MYO16: variants seen among roughly 807,000 people sequenced by gnomAD.
MYO16 encodes unconventional myosin-XVI.
Under a neutral mutation model 205.3 loss-of-function variants are expected in MYO16, and 94 were observed. The observed-to-expected ratio is 0.46, with a 90% CI of 0.39 to 0.54. The LOEUF (loss-of-function observed/expected upper bound fraction) is 0.54, where lower values mean the gene tolerates loss of function less well. Among genes scored for constraint, MYO16 ranks in the 20% least tolerant of loss-of-function variants. The probability of loss-of-function intolerance (pLI) is 0.00; values close to 1 mark genes in which losing one functional copy is unlikely to be tolerated. For missense variants in MYO16, 2,315 were observed against 2,387.5 expected (o/e 0.97, Z 0.63); for synonymous variants, 988 against 954.0 (o/e 1.04, Z -0.66).
intron 1 of MYO16, among the ~76,000 whole-genome samples, chr13:108,665,266 A>T (rs1329723070): frequency 6.6e-6 from 1 of 151,822 alleles, no homozygotes; most frequent in African/African-American, 2.4e-5. Flanking sequence ...AAGTTTATTT[A>T]TTATTTATTT....
chr13:108,907,574 A>G (rs1881050672), intron 15 of MYO16, among the ~76,000 whole-genome samples: 1 of 152,178 alleles, frequency 6.6e-6, no homozygotes, highest in Admixed American at 6.5e-5. Context: ...TTGAAAGAAT[A>G]TTAGAGTTTC....
intron 3 of MYO16, among the ~76,000 whole-genome samples, chr13:108,718,519 T>C (rs917453184): frequency 6.6e-6 from 1 of 150,736 alleles, no homozygotes; most frequent in Non-Finnish European, 1.5e-5. Flanking sequence ...GGGGGCCCCA[T>C]GGAGGATGCA....
the MYO16 span, among the ~76,000 whole-genome samples, chr13:108,502,343 A>G: frequency 3.9e-5 from 6 of 152,224 alleles, no homozygotes; most frequent in Non-Finnish European, 7.3e-5. Flanking sequence ...GATGCTTATT[A>G]TTTATCTACA....
At chr13:108,831,568 C>T (rs947494488) in intron 9 of MYO16, among the ~76,000 whole-genome samples, 1 of 152,012 alleles carries the variant, frequency 6.6e-6, no homozygotes, top group African/African-American at 2.4e-5. Flanking sequence ...GCTGGAGTGC[C>T]ATGGCACAAT....
At chr13:108,643,138 T>A (rs1356681817) in intron 1 of MYO16, among the ~76,000 whole-genome samples, 1 of 152,250 alleles carries the variant, frequency 6.6e-6, no homozygotes, top group Non-Finnish European at 1.5e-5. Context: ...AAGAGTTCCC[T>A]TGTGTCCTTT....
chr13:108,828,004 T>A (rs369656277), intron 9 of MYO16, among the ~76,000 whole-genome samples: 1 of 152,316 alleles, frequency 6.6e-6, no homozygotes, highest in African/African-American at 2.4e-5. Flanking sequence ...TTTTACTTAT[T>A]ATTTGTAATA....
chr13:108,945,454 T>C (rs1374285936), intron 16 of MYO16, among the ~76,000 whole-genome samples: 1 of 152,184 alleles, frequency 6.6e-6, no homozygotes, highest in Non-Finnish European at 1.5e-5. Context: ...ATCACAACAA[T>C]GGTTCTGAAA....
At chr13:108,862,888 G>A (rs1594352426) in intron 11 of MYO16, among the ~76,000 whole-genome samples, 1 of 151,808 alleles carries the variant, frequency 6.6e-6, no homozygotes, top group Non-Finnish European at 1.5e-5. Flanking sequence ...TTGATTTTTT[G>A]GTATAGAAGT....
chr13:108,757,931 C>T (rs961622198), intron 4 of MYO16, among the ~76,000 whole-genome samples: 1 of 151,970 alleles, frequency 6.6e-6, no homozygotes, highest in African/African-American at 2.4e-5. Context: ...TGTTTGTGTC[C>T]CTAAAAATTC....
chr13:109,176,384 T>C (rs1879177195), intron 33 of MYO16, among the ~76,000 whole-genome samples: 1 of 151,912 alleles, frequency 6.6e-6, no homozygotes, highest in African/African-American at 2.4e-5. Context: ...TTCAATGTTC[T>C]ACATTGTTCT....
At chr13:109,205,131 G>C (rs964940866) in intron 34 of MYO16, among the ~76,000 whole-genome samples, 1 of 152,206 alleles carries the variant, frequency 6.6e-6, no homozygotes, top group African/African-American at 2.4e-5. Context: ...TTTAGGGACT[G>C]AGTAACCATA....
At chr13:108,753,760 A>G (rs1885328857) in intron 4 of MYO16, among the ~76,000 whole-genome samples, 1 of 152,240 alleles carries the variant, frequency 6.6e-6, no homozygotes, top group Admixed American at 6.5e-5. Flanking sequence ...AACTTATAAA[A>G]TGACAATTAG....
chr13:108,754,618 AAATGGC>A (rs2139644321), intron 4 of MYO16, among the ~76,000 whole-genome samples: 1 of 152,338 alleles, frequency 6.6e-6, no homozygotes, highest in African/African-American at 2.4e-5. Context: ...ACATTGTGGC[AAATGGC>A]AAAGATTCTA....
At chr13:108,927,953 G>C (rs1882085043) in intron 16 of MYO16, among the ~76,000 whole-genome samples, 1 of 152,258 alleles carries the variant, frequency 6.6e-6, no homozygotes, top group Admixed American at 6.5e-5. Context: ...CACCAGTTCA[G>C]TAAAGGGGCC....
At chr13:108,825,578 A>AAAAT (rs148579255) in intron 9 of MYO16, among the ~76,000 whole-genome samples, 2,862 of 148,850 alleles carry the variant, frequency 0.019, 42 homozygotes, top group African/African-American at 0.035. Flanking sequence ...ACCTAGCAAG[A>AAAAT]AAATAAATAA....
chr13:108,849,397 G>T (rs1432180957), intron 10 of MYO16, among the ~76,000 whole-genome samples: 1 of 152,090 alleles, frequency 6.6e-6, no homozygotes, highest in African/African-American at 2.4e-5. Flanking sequence ...CACCACGTTA[G>T]TCAGGCTGGT....
In MYO16 at chr13:108,898,067, T is replaced by A; in HGVS notation, c.1711T>A (p.Leu571Met). Residue 571 changes from leucine (L) to methionine (M), a missense_variant, in exon 15 of 35, where the codon TTG (leucine) becomes ATG (methionine). Transcript: ENST00000457511. Reference sequence around the variant, plus strand: ...ACATGCCAAGACCACACTTAATGATTTGTCCAGTTGCTTCATCAAGTATTT... The same window carrying A: ...ACATGCCAAGACCACACTTAATGATATGTCCAGTTGCTTCATCAAGTATTT... ...FGHAKTTLND[L>M]SSCFIKYFEL... 6.2e-7 allele frequency: 1 copy of A among 1,614,116 alleles called. No individual in the cohort carries two copies. The highest frequency in any genetic ancestry group is 8.5e-7 in the Non-Finnish European group (1 of 1,179,982).
At chr13:109,159,419 T>C (rs1480588092) in intron 32 of MYO16, among the ~76,000 whole-genome samples, 7 of 150,608 alleles carry the variant, frequency 4.6e-5, no homozygotes, top group Non-Finnish European at 7.4e-5. Context: ...TTTACAGGTA[T>C]GGAAAGTGTA....
intron 27 of MYO16, among the ~76,000 whole-genome samples, chr13:109,089,188 CATT>C (rs34430414): frequency 0.21 from 31,670 of 147,726 alleles, 3,600 homozygotes; most frequent in East Asian, 0.43. Flanking sequence ...TTGTTTTCTG[CATT>C]ATTATTATTA....
Sources: gnomAD v4.1 joint callset for allele counts (sites outside exome capture counted in the v4.1 genomes callset) on GRCh38, gnomAD v4.1.1 for gene constraint, MANE v1.5 for transcripts, NCBI Gene and HGNC (gene_info 2026-07-23, HGNC 2026-07-21) for gene names.